AK5: variants seen among roughly 807,000 people sequenced by gnomAD.
AK5 encodes adenylate kinase 5.
AK5 carries 27 observed loss-of-function variants against 69.5 expected under a neutral mutation model. The ratio of observed to expected loss-of-function variants is 0.39; its 90% CI spans 0.29 to 0.54. The LOEUF is 0.54. AK5 is among the 20% of genes least tolerant of loss of function. AK5 has a pLI of 0.71. For missense variants in AK5, 531 were observed against 700.4 expected (o/e 0.76, Z 2.73); for synonymous variants, 260 against 244.4 (o/e 1.06, Z -0.60).
chr1:77,399,182 C>T (rs748193353), intron 6 of AK5, among the ~76,000 whole-genome samples: 2 of 152,178 alleles, frequency 1.3e-5, no homozygotes, highest in Non-Finnish European at 2.9e-5. Context: ...ATATTGGGCA[C>T]TTGATATCTG....
intron 8 of AK5, among the ~76,000 whole-genome samples, chr1:77,438,169 A>G (rs939135914): frequency 5.9e-5 from 9 of 151,914 alleles, no homozygotes; most frequent in Admixed American, 5.9e-4. Context: ...AAACTAGCAA[A>G]ATTAGGTTAT....
In AK5 at chr1:77,367,687, ATATACGT is replaced by A. The variant is rs528022130; in HGVS notation, c.891+27124_891+27130del. Reference sequence around the variant, plus strand: ...ATGTTATATATAATATATATGTTATATATACGTTATATGTTATATATATGTTATATAT... The same window carrying A: ...ATGTTATATATAATATATATGTTATATATATGTTATATATATGTTATATAT... On this transcript the variant is annotated intron_variant, in intron 6 of 13. Transcript: ENST00000354567. Among the ~76,000 whole-genome samples, 331 of 70,086 alleles carry A rather than the reference ATATACGT, an allele frequency of 4.7e-3. 4 individuals carry two copies. Among genetic ancestry groups the A allele is most frequent in the South Asian group, 6.3e-3 (11 of 1,734 alleles). The allele number at this position is 70,086 out of a possible 152,430, so 46.0% of individuals were successfully genotyped here. A position where few individuals can be genotyped will look rare whatever the true frequency, so the allele number is the denominator to read the frequency against.
chr1:77,362,361 CAATACTTT>C (rs1646879641), intron 6 of AK5, among the ~76,000 whole-genome samples: 1 of 151,904 alleles, frequency 6.6e-6, no homozygotes, highest in Non-Finnish European at 1.5e-5. Flanking sequence ...AATTGTAGTT[CAATACTTT>C]AATACTTTAA....
At chr1:77,477,592 GAA>G (rs1655025634) in intron 8 of AK5, among the ~76,000 whole-genome samples, 1 of 152,126 alleles carries the variant, frequency 6.6e-6, no homozygotes, top group Non-Finnish European at 1.5e-5. Flanking sequence ...GAAAAAATTA[GAA>G]AAGACTGCTC....
intron 6 of AK5, among the ~76,000 whole-genome samples, chr1:77,392,346 T>C (rs76694825): frequency 0.084 from 12,862 of 152,264 alleles, 727 homozygotes; most frequent in South Asian, 0.17. Context: ...TTAGCTCTTC[T>C]TCAGGGTAAT....
intron 5 of AK5, among the ~76,000 whole-genome samples, chr1:77,338,780 G>T (rs1248990902): frequency 6.6e-6 from 1 of 152,182 alleles, no homozygotes; most frequent in Non-Finnish European, 1.5e-5. Flanking sequence ...AAAACTAAGA[G>T]ATAGTAAATG....
chr1:77,496,898 GCTGTAAAATGGACCAATCGGCACT>G (rs1025016553), intron 10 of AK5, among the ~76,000 whole-genome samples: 11 of 151,934 alleles, frequency 7.2e-5, no homozygotes, highest in South Asian at 4.2e-4. Flanking sequence ...TAATTGGCAC[GCTGTAAAATGGACCAATCGGCACT>G]CTGTAAAATG....
intron 3 of AK5, among the ~76,000 whole-genome samples, chr1:77,295,642 A>G (rs1658955969): frequency 6.7e-6 from 1 of 150,184 alleles, no homozygotes; most frequent in Admixed American, 6.8e-5. Context: ...TCATTTTATG[A>G]TGAGATTTGT....
At chr1:77,547,972 T>C (rs1659622985) in intron 13 of AK5, among the ~76,000 whole-genome samples, 1 of 152,170 alleles carries the variant, frequency 6.6e-6, no homozygotes, top group African/African-American at 2.4e-5. Flanking sequence ...AGGGAAGCAC[T>C]GAGTAACTTT....
At chr1:77,496,372 G>A (rs1410383665) in intron 10 of AK5, among the ~76,000 whole-genome samples, 2 of 152,204 alleles carry the variant, frequency 1.3e-5, no homozygotes, top group Non-Finnish European at 2.9e-5. Flanking sequence ...TCCTGTGGCA[G>A]TGAGGTGCCA....
intron 2 of AK5, among the ~76,000 whole-genome samples, chr1:77,292,433 C>A (rs1658738361): frequency 6.6e-6 from 1 of 152,066 alleles, no homozygotes; most frequent in Non-Finnish European, 1.5e-5. Flanking sequence ...AGATCAACAT[C>A]CCTGGGAGGA....
intron 6 of AK5, chr1:77,340,893 A>ACTC (rs1368745415): frequency 4.9e-6 from 1 of 202,246 alleles, no homozygotes; most frequent in African/African-American, 2.3e-5. Context: ...CAGTCTCTCC[A>ACTC]CTCTTTTGTC....
chr1:77,554,428 A>T (rs1274899973), intron 13 of AK5, among the ~76,000 whole-genome samples: 1 of 152,198 alleles, frequency 6.6e-6, no homozygotes, highest in East Asian at 1.9e-4. Flanking sequence ...CCTGGAGGTT[A>T]TCTAGTCCTA....
At chr1:77,474,295 A>T (rs1193823894) in intron 8 of AK5, among the ~76,000 whole-genome samples, 1 of 152,166 alleles carries the variant, frequency 6.6e-6, no homozygotes, top group African/African-American at 2.4e-5. Flanking sequence ...TCTAATGGGA[A>T]GAAGACTTCT....
intron 8 of AK5, among the ~76,000 whole-genome samples, chr1:77,476,468 C>T (rs1654941697): frequency 6.8e-6 from 1 of 146,866 alleles, no homozygotes; most frequent in African/African-American, 2.5e-5. Context: ...CCAGTAAAAC[C>T]TGTAAAATTC....
intron 5 of AK5, among the ~76,000 whole-genome samples, chr1:77,325,585 C>T (rs1317506367): frequency 6.6e-6 from 1 of 152,100 alleles, no homozygotes; most frequent in East Asian, 1.9e-4. Flanking sequence ...GACCTCAAGG[C>T]CCTCTTCTCT....
chr1:77,318,458 A>G (rs1010575221), intron 5 of AK5, among the ~76,000 whole-genome samples: 1 of 152,174 alleles, frequency 6.6e-6, no homozygotes, highest in Non-Finnish European at 1.5e-5. Flanking sequence ...ACATGATTCA[A>G]ATCATAACAT....
At chr1:77,498,390 C>A (rs1306967184) in intron 10 of AK5, among the ~76,000 whole-genome samples, 1 of 152,158 alleles carries the variant, frequency 6.6e-6, no homozygotes, top group Non-Finnish European at 1.5e-5. Context: ...CTGTTTAAAG[C>A]AAAGTGAATA....
intron 6 of AK5, among the ~76,000 whole-genome samples, chr1:77,393,276 T>C (rs1648608536): frequency 6.6e-6 from 1 of 152,212 alleles, no homozygotes; most frequent in South Asian, 2.1e-4. Context: ...ATTTTTGTAA[T>C]ACCTTTTACT....
Sources: gnomAD v4.1 joint callset for allele counts (sites outside exome capture counted in the v4.1 genomes callset) on GRCh38, gnomAD v4.1.1 for gene constraint, MANE v1.5 for transcripts, NCBI Gene and HGNC (gene_info 2026-07-23, HGNC 2026-07-21) for gene names.